ELK3: variants seen among roughly 807,000 people sequenced by gnomAD.
The protein encoded by ELK3 is ETS domain-containing protein Elk-3.
A neutral mutation model predicts 28.9 loss-of-function variants in ELK3; 10 were observed. That is an observed-to-expected ratio of 0.35 (90% CI 0.21 to 0.59). The LOEUF is 0.59. Ranked by LOEUF, ELK3 falls within the 20% of genes least tolerant of loss-of-function variation. The pLI is 0.82. For synonymous variants in ELK3, 272 were observed against 243.5 expected (o/e 1.12, Z -1.09); for missense variants, 463 against 517.3 (o/e 0.90, Z 1.02).
At chr12:96,228,085 C>A (rs1447734009) in intron 2 of ELK3, among the ~76,000 whole-genome samples, 1 of 151,894 alleles carries the variant, frequency 6.6e-6, no homozygotes, top group African/African-American at 2.4e-5. Flanking sequence ...CGTAGTGAGA[C>A]CCCTGTCTCT....
intron 3 of ELK3, among the ~76,000 whole-genome samples, chr12:96,256,421 G>T (rs1951949609): frequency 6.6e-6 from 1 of 152,172 alleles, no homozygotes; most frequent in Non-Finnish European, 1.5e-5. Flanking sequence ...CCTACACGGT[G>T]GTCCTGTTGA....
intron 1 of ELK3, among the ~76,000 whole-genome samples, chr12:96,208,958 C>G (rs1951557537): frequency 6.6e-6 from 1 of 152,222 alleles, no homozygotes; most frequent in Admixed American, 6.5e-5. Context: ...CCCAGCACAG[C>G]TGTGCAGACT....
intron 4 of ELK3, among the ~76,000 whole-genome samples, chr12:96,260,702 G>C (rs544933658): frequency 6.6e-6 from 1 of 152,184 alleles, no homozygotes; most frequent in Non-Finnish European, 1.5e-5. Flanking sequence ...TTGAGTGCAG[G>C]TGGAAAGAAT....
chr12:96,260,469 G>A (rs974990259), intron 4 of ELK3, among the ~76,000 whole-genome samples: 1 of 152,134 alleles, frequency 6.6e-6, no homozygotes, highest in Non-Finnish European at 1.5e-5. Flanking sequence ...AGTTCTCCTT[G>A]TTCTGTAATG....
chr12:96,203,217 A>G (rs1427258744), intron 1 of ELK3, among the ~76,000 whole-genome samples: 2 of 152,208 alleles, frequency 1.3e-5, no homozygotes, highest in Non-Finnish European at 2.9e-5. Flanking sequence ...TTTCTGAAAT[A>G]GGGCTGGTGC....
chr12:96,234,002 C>T (rs1450621386), intron 2 of ELK3, among the ~76,000 whole-genome samples: 1 of 152,228 alleles, frequency 6.6e-6, no homozygotes, highest in African/African-American at 2.4e-5. Flanking sequence ...CAGGGCCTCT[C>T]TCACAAGCTT....
chr12:96,195,895 ACCCT>A, intron 1 of ELK3, among the ~76,000 whole-genome samples: 1 of 50,940 alleles, frequency 2.0e-5, no homozygotes, highest in East Asian at 7.1e-4. Context: ...GCCCCCTCCC[ACCCT>A]CCCTCATTTG....
intron 3 of ELK3, among the ~76,000 whole-genome samples, chr12:96,250,932 G>A (rs1951900518): frequency 6.6e-6 from 1 of 152,132 alleles, no homozygotes. Context: ...AGGGAGCCTT[G>A]GCATGGCCTG....
At chr12:96,228,876 C>T (rs944439586) in intron 2 of ELK3, among the ~76,000 whole-genome samples, 1 of 152,200 alleles carries the variant, frequency 6.6e-6, no homozygotes, top group South Asian at 2.1e-4. Context: ...CCTTCCTTGT[C>T]GGACTGTGTG....
Position 96,267,733 on chromosome 12 carries a change from A to C in ELK3, c.*553A>C, listed in dbSNP as rs569533838. 1 of 152,740 alleles carries C rather than the reference A, an allele frequency of 6.5e-6. No homozygotes were observed. The highest frequency in any genetic ancestry group is 1.5e-5 in the Non-Finnish European group (1 of 68,072). 9.5% of individuals were successfully genotyped at this position (152,740 alleles called of 1,614,324 possible). A position where few individuals can be genotyped will look rare whatever the true frequency, so the allele number is the denominator to read the frequency against. On this transcript the variant is annotated 3_prime_UTR_variant, in exon 5 of 5. Transcript: ENST00000228741. ...CACGTTTTGTTTTACTTTCAATTGT[A>C]TAAGAATTGCCTTAGAACCTCTTTT...
At chr12:96,231,642 C>A (rs1951742510) in intron 2 of ELK3, among the ~76,000 whole-genome samples, 1 of 152,100 alleles carries the variant, frequency 6.6e-6, no homozygotes, top group Non-Finnish European at 1.5e-5. Context: ...ACAGGTGCGT[C>A]CCACCATTCC....
intron 3 of ELK3, among the ~76,000 whole-genome samples, chr12:96,257,238 T>G (rs182687307): frequency 5.0e-4 from 76 of 152,328 alleles, no homozygotes; most frequent in Admixed American, 1.2e-3. Context: ...ATAGGAACTT[T>G]CCTTAAAAAA....
intron 3 of ELK3, among the ~76,000 whole-genome samples, chr12:96,249,856 C>T (rs1184976100): frequency 7.9e-6 from 1 of 126,124 alleles, no homozygotes; most frequent in African/African-American, 3.0e-5. Context: ...AGGGCACGAC[C>T]AGGAGCCAGA....
chr12:96,202,367 A>G (rs1367429463), intron 1 of ELK3, among the ~76,000 whole-genome samples: 1 of 151,398 alleles, frequency 6.6e-6, no homozygotes, highest in Non-Finnish European at 1.5e-5. Flanking sequence ...TTTCCCCCCG[A>G]CCCCTCTATT....
At chr12:96,235,516 A>AG (rs765058103) in intron 2 of ELK3, among the ~76,000 whole-genome samples, 73 of 152,308 alleles carry the variant, frequency 4.8e-4, no homozygotes, top group Admixed American at 7.2e-4. Flanking sequence ...ATGGCACAGA[A>AG]GGGAGTCTGT....
At chr12:96,235,313 G>T (rs919881589) in intron 2 of ELK3, among the ~76,000 whole-genome samples, 2 of 151,392 alleles carry the variant, frequency 1.3e-5, no homozygotes, top group Non-Finnish European at 2.9e-5. Context: ...TCCAGCTGGC[G>T]CCTCACTTGG....
In ELK3 at chr12:96,258,156, C is replaced by T. The variant is rs1951965795; in HGVS notation, c.1003-1575C>T. 2.6e-5 allele frequency among the ~76,000 whole-genome samples: 4 copies of T among 152,220 alleles called. No individual in the cohort carries two copies. The South Asian group carries it at 8.3e-4, about 31-fold the overall frequency. On this transcript the variant is annotated intron_variant, in intron 3 of 4. Coordinates refer to ENST00000228741, the MANE Select transcript of ELK3 (RefSeq NM_005230.4). ...GTTACCTGGCTGGGAAGTAGTGGTT[C>T]TGAGATTGGAACCCTGGCAGAGCTC...
chr12:96,226,280 G>A (rs1473459018), intron 2 of ELK3, among the ~76,000 whole-genome samples: 1 of 152,234 alleles, frequency 6.6e-6, no homozygotes, highest in Non-Finnish European at 1.5e-5. Flanking sequence ...GCCAGGCAGA[G>A]CATGGGGGCT....
rs1483483645 is a variant in ELK3 at position 96,262,942 on chromosome 12, C to T, written c.1125+3089C>T. On this transcript the variant is annotated intron_variant, in intron 4 of 4. Coordinates refer to ENST00000228741, the MANE Select transcript of ELK3 (RefSeq NM_005230.4). ...AGCTGGGACTACAGGCATACCACCACGCTGGCCAACATCCCTTTTAAACTG... is the reference window on the plus strand; with the variant it reads ...AGCTGGGACTACAGGCATACCACCATGCTGGCCAACATCCCTTTTAAACTG... Among the ~76,000 whole-genome samples, 5 of 152,036 alleles carry T rather than the reference C, an allele frequency of 3.3e-5. No homozygotes were observed. The East Asian group carries it at 7.7e-4, about 23-fold the overall frequency.
Sources: allele counts gnomAD v4.1 joint callset (sites outside exome capture counted in the v4.1 genomes callset), GRCh38; gene constraint gnomAD v4.1.1; transcripts MANE v1.5; gene names NCBI Gene and HGNC (gene_info 2026-07-23, HGNC 2026-07-21).